CLTC: variants seen among roughly 807,000 people sequenced by gnomAD.
The protein encoded by CLTC is clathrin heavy chain 1.
In CLTC, 16 loss-of-function variants were observed where a neutral mutation model predicts 195.8. The observed-to-expected ratio is 0.08, with a 90% confidence interval of 0.06 to 0.12. The LOEUF is 0.12. CLTC is among the 10% of genes least tolerant of loss of function. The probability of loss-of-function intolerance (pLI) is 1.00; values close to 1 mark genes in which losing one functional copy is unlikely to be tolerated. For missense variants in CLTC, 796 were observed against 2,027.0 expected (o/e 0.39, Z 11.66); for synonymous variants, 667 against 689.4 (o/e 0.97, Z 0.51).
Position 59,683,905 on chromosome 17 carries a change from T to C in CLTC, c.4354T>C (p.Leu1452=). The change falls in exon 28 of 32, where the codon TTG becomes CTG. Residue 1452 remains leucine, a synonymous_variant. Coordinates refer to ENST00000269122, the MANE Select transcript of CLTC (RefSeq NM_004859.4). The surrounding 1 kb of genome is among the most constrained non-coding windows in gnomAD (Gnocchi z 6.1). ...VKQLPLVKPY[L]RSVQNHNNKS... is the part of the protein sequence containing the mutation. ...ACAGCTACCACTGGTGAAACCGTAT[T>C]TGCGTTCAGTTCAGAACCATAACAA... is the stretch of plus-strand genomic sequence containing the variant. 1 of 1,613,896 alleles carries C rather than the reference T, an allele frequency of 6.2e-7. No homozygotes were observed. Among genetic ancestry groups the C allele is most frequent in the South Asian group, 1.1e-5 (1 of 91,064 alleles).
In CLTC at chr17:59,666,323, T is replaced by A; in HGVS notation, c.1782+83T>A. 6.5e-7 allele frequency: 1 copy of A among 1,537,978 alleles called. No individual in the cohort carries two copies. The highest frequency in any genetic ancestry group is 8.9e-7 in the Non-Finnish European group (1 of 1,120,550). On this transcript the variant is annotated intron_variant, in intron 11 of 31. Coordinates refer to ENST00000269122, the MANE Select transcript of CLTC (RefSeq NM_004859.4). The surrounding 1 kb of genome is among the most constrained non-coding windows in gnomAD (Gnocchi z 4.9). ...CGCCTCTCAGATTGTTATGCAAAGCTACTGAGGGGCCTACTCCTTATTAAA... is the reference window on the plus strand; with the variant it reads ...CGCCTCTCAGATTGTTATGCAAAGCAACTGAGGGGCCTACTCCTTATTAAA...
At position 59,676,912 on chromosome 17, in the gene CLTC, A is replaced by C. The variant is rs370357154; in HGVS notation, c.2562-42A>C. 28 of 1,388,086 alleles carry C rather than the reference A, an allele frequency of 2.0e-5. No individual in the cohort carries two copies. In the African/African-American group the frequency reaches 3.3e-4, roughly 16 times the overall value. 86.0% of individuals were successfully genotyped at this position (1,388,086 alleles called of 1,614,324 possible). A position where few individuals can be genotyped will look rare whatever the true frequency, so the allele number is the denominator to read the frequency against. On this transcript the variant is annotated intron_variant, in intron 16 of 31. Coordinates refer to ENST00000269122, the MANE Select transcript of CLTC (RefSeq NM_004859.4). Reference sequence around the variant, plus strand: ...AGCATGTCAAGAGTGTGTTATTTATAATACAGTATGTGTGTGTGAGGTTTT... The same window carrying C: ...AGCATGTCAAGAGTGTGTTATTTATCATACAGTATGTGTGTGTGAGGTTTT...
At chr17:59,672,669 T>C (rs547913824) in intron 14 of CLTC, among the ~76,000 whole-genome samples, 1 of 152,074 alleles carries the variant, frequency 6.6e-6, no homozygotes. Flanking sequence ...AAATTAAGAT[T>C]TACCTTGGTG....
intron 13 of CLTC, 197 bp downstream of exon 13, chr17:59,667,174 CTG>C (rs2032750749): frequency 2.6e-6 from 1 of 390,026 alleles, no homozygotes; most frequent in Non-Finnish European, 4.6e-6. Flanking sequence ...ACCAGACCAT[CTG>C]TTTGGATATT....
chr17:59,661,685 T>A, intron 8 of CLTC, 42 bp downstream of exon 8: 1 of 1,551,278 alleles, frequency 6.4e-7, no homozygotes, highest in Non-Finnish European at 8.9e-7. Flanking sequence ...TTGGTTGCAT[T>A]AAATATGATA....
Position 59,685,460 on chromosome 17 carries a change from A to C in CLTC, c.4606-127A>C. On this transcript the variant is annotated intron_variant, in intron 29 of 31. Coordinates refer to ENST00000269122, the MANE Select transcript of CLTC (RefSeq NM_004859.4). This position sits in a 1 kb window ranked among gnomAD's most constrained non-coding sequence, Gnocchi z 5.0. ...CTTTGAAAATTTTAATTTAAATGAT[A>C]CAACTAGGAGGCTTTTTTCCCCTTG... 1.1e-6 allele frequency: 1 copy of C among 905,986 alleles called. No homozygotes were observed. Among genetic ancestry groups the C allele is most frequent in the Non-Finnish European group, 1.6e-6 (1 of 612,236 alleles). 56.1% of individuals were successfully genotyped at this position (905,986 alleles called of 1,614,324 possible).
rs1296527114 is a variant in CLTC, at chr17:59,681,364, C to T, written c.3135C>T (p.Asn1045=). ...ADRTRVMEYI[N]RLDNYDAPDI... ...GTACACGTGTTATGGAGTATATTAA[C>T]CGCCTGGATAATTATGATGCCCCAG... The change falls in exon 20 of 32, where the codon AAC becomes AAT. Residue 1045 remains asparagine (N), a synonymous_variant. Transcript: ENST00000269122. The surrounding 1 kb of genome is among the most constrained non-coding windows in gnomAD (Gnocchi z 5.0). 2 of 1,614,026 alleles carry T rather than the reference C, an allele frequency of 1.2e-6. No homozygotes were observed. The highest frequency in any genetic ancestry group is 2.2e-5 in the East Asian group (1 of 44,890).
Position 59,682,474 on chromosome 17 carries a change from A to G in CLTC, c.3600+46A>G, listed in dbSNP as rs1340310934. 6.2e-7 allele frequency: 1 copy of G among 1,610,240 alleles called. No homozygotes were observed. Among genetic ancestry groups the G allele is most frequent in the Admixed American group, 1.7e-5 (1 of 59,760 alleles). ...TAAGAAAAACTAGTTGGGCTACTTGATTAGCTTGGTAGGATCAAAACATCA... is the reference window on the plus strand; with the variant it reads ...TAAGAAAAACTAGTTGGGCTACTTGGTTAGCTTGGTAGGATCAAAACATCA... On this transcript the variant is annotated intron_variant, in intron 22 of 31. Coordinates refer to ENST00000269122, the MANE Select transcript of CLTC (RefSeq NM_004859.4). This position sits in a 1 kb window ranked among gnomAD's most constrained non-coding sequence, Gnocchi z 6.8.
intron 1 of CLTC, among the ~76,000 whole-genome samples, chr17:59,640,790 G>A (rs909565932): frequency 6.6e-6 from 1 of 151,978 alleles, no homozygotes; most frequent in Admixed American, 6.6e-5. Flanking sequence ...CCACTTAAGT[G>A]TGCTTTTTTA....
chr17:59,634,498 G>A (rs2031809204), intron 1 of CLTC, among the ~76,000 whole-genome samples: 1 of 152,174 alleles, frequency 6.6e-6, no homozygotes, highest in African/African-American at 2.4e-5. Flanking sequence ...ATCAGCAGTT[G>A]ATTACAAGTA....
chr17:59,682,730 G>A lies in CLTC; in HGVS notation c.3702G>A (p.Leu1234=). 6.2e-7 allele frequency: 1 copy of A among 1,614,130 alleles called. No homozygotes were observed. Among genetic ancestry groups the A allele is most frequent in the Non-Finnish European group, 8.5e-7 (1 of 1,180,000 alleles). The change falls in exon 23 of 32, where the codon CTG becomes CTA. Residue 1234 remains leucine (L), a synonymous_variant. Transcript: ENST00000269122. This position sits in a 1 kb window ranked among gnomAD's most constrained non-coding sequence, Gnocchi z 6.8. The part of the protein sequence containing the change: ...FGRLASTLVH[L]GEYQAAVDGA... ...GTTTGGCATCTACCCTGGTTCACCT[G>A]GGTGAATATCAGGCAGCTGTTGATG...
chr17:59,669,031 T>C (rs564833361), intron 14 of CLTC, 91 bp downstream of exon 14: 2 of 1,182,852 alleles, frequency 1.7e-6, no homozygotes, highest in South Asian at 3.4e-5. Flanking sequence ...ATTTTTTCCC[T>C]AAATGTGAAG....
chr17:59,693,382 A>T (rs140055944), intron 31 of CLTC, among the ~76,000 whole-genome samples: 30 of 134,334 alleles, frequency 2.2e-4, no homozygotes, highest in African/African-American at 5.1e-4. Context: ...TTTTTTTTTA[A>T]AAAGTCTTTT....
chr17:59,632,367 CA>C (rs11449653), intron 1 of CLTC, among the ~76,000 whole-genome samples: 37 of 111,518 alleles, frequency 3.3e-4, no homozygotes, highest in Admixed American at 3.9e-4. Context: ...GAATCCATCT[CA>C]AAAAAAAAAA....
chr17:59,650,861 G>C (rs974076030), intron 4 of CLTC, among the ~76,000 whole-genome samples: 9 of 151,992 alleles, frequency 5.9e-5, no homozygotes, highest in African/African-American at 1.7e-4. Context: ...TGACTGTAGC[G>C]TCACACCCAC....
intron 30 of CLTC, among the ~76,000 whole-genome samples, chr17:59,688,824 A>C (rs111976577): frequency 2.6e-4 from 40 of 152,308 alleles, no homozygotes; most frequent in African/African-American, 9.6e-4. Context: ...TGTATTATGC[A>C]GTGGTGGCTT....
At position 59,685,277 on chromosome 17, in the gene CLTC, G is replaced by A; in HGVS notation, c.4605+51G>A. On this transcript the variant is annotated intron_variant, in intron 29 of 31. Transcript: ENST00000269122. The surrounding 1 kb of genome is among the most constrained non-coding windows in gnomAD (Gnocchi z 5.0). ...TGTTTTAAACCAGGCCTAAAATGGT[G>A]TTACAAGTGATTATAATCTATAAAT... 6.7e-7 allele frequency: 1 copy of A among 1,484,182 alleles called. No individual in the cohort carries two copies. The highest frequency in any genetic ancestry group is 9.1e-7 in the Non-Finnish European group (1 of 1,098,512). 91.9% of individuals were successfully genotyped at this position (1,484,182 alleles called of 1,614,324 possible). A position where few individuals can be genotyped will look rare whatever the true frequency, so the allele number is the denominator to read the frequency against.
At chr17:59,642,307 C>T (rs1181551404) in intron 1 of CLTC, among the ~76,000 whole-genome samples, 1 of 152,170 alleles carries the variant, frequency 6.6e-6, no homozygotes, top group Non-Finnish European at 1.5e-5. Context: ...ATTTGACTAA[C>T]ACTATTTTTA....
chr17:59,669,005 G>A, intron 14 of CLTC, 65 bp downstream of exon 14: 1 of 1,419,664 alleles, frequency 7.0e-7, no homozygotes. Flanking sequence ...CAAGGGTTTG[G>A]TCATAGTTCA....
Sources: allele counts gnomAD v4.1 joint callset (sites outside exome capture counted in the v4.1 genomes callset), GRCh38; gene constraint gnomAD v4.1.1; non-coding constraint Gnocchi (gnomAD v3.1); transcripts MANE v1.5; gene names NCBI Gene and HGNC (gene_info 2026-07-23, HGNC 2026-07-21).